AFG2A: variants seen among roughly 807,000 people sequenced by gnomAD.
AFG2A encodes ATPase family gene 2 protein homolog A.
At chr4:123,105,088 G>A in the AFG2A span, among the ~76,000 whole-genome samples, 4 of 152,128 alleles carry the variant, frequency 2.6e-5, no homozygotes, top group South Asian at 2.1e-4. Flanking sequence ...CTGGCTTCAC[G>A]CTTCAAAGGA....
the AFG2A span, among the ~76,000 whole-genome samples, chr4:122,981,270 A>G: frequency 1.3e-5 from 2 of 152,116 alleles, no homozygotes; most frequent in African/African-American, 4.8e-5. Context: ...ACCATTTTTT[A>G]AAGAGATTGT....
chr4:122,954,775 G>T, the AFG2A span, among the ~76,000 whole-genome samples: 1 of 152,204 alleles, frequency 6.6e-6, no homozygotes, highest in South Asian at 2.1e-4. Context: ...GTCAAGAATG[G>T]CCAGCCATTG....
chr4:123,137,121 G>C, the AFG2A span, among the ~76,000 whole-genome samples: 1 of 152,134 alleles, frequency 6.6e-6, no homozygotes, highest in South Asian at 2.1e-4. Context: ...CTAACGGTGC[G>C]GCTGATCAGG....
the AFG2A span, among the ~76,000 whole-genome samples, chr4:123,013,421 A>G: frequency 6.6e-6 from 1 of 152,132 alleles, no homozygotes; most frequent in Non-Finnish European, 1.5e-5. Flanking sequence ...TTTTTTCTTT[A>G]TTTTTATTTT....
chr4:123,268,065 C>T, the AFG2A span, among the ~76,000 whole-genome samples: 2 of 151,978 alleles, frequency 1.3e-5, no homozygotes, highest in Non-Finnish European at 2.9e-5. Context: ...TATTAATAGA[C>T]ACACACAGTT....
chr4:123,141,011 C>T, the AFG2A span, among the ~76,000 whole-genome samples: 5 of 152,034 alleles, frequency 3.3e-5, no homozygotes, highest in Admixed American at 6.6e-5. Context: ...ATATAACACA[C>T]AATTTTGAGA....
At chr4:122,974,449 AG>A in the AFG2A span, among the ~76,000 whole-genome samples, 5 of 152,304 alleles carry the variant, frequency 3.3e-5, no homozygotes, top group South Asian at 1.0e-3. Flanking sequence ...AAATTTTCCC[AG>A]GCCACAAGGT....
the AFG2A span, among the ~76,000 whole-genome samples, chr4:123,100,917 A>G: frequency 6.6e-6 from 1 of 151,954 alleles, no homozygotes; most frequent in Non-Finnish European, 1.5e-5. Flanking sequence ...TTTAAGTCCA[A>G]GTGATTTCCC....
At chr4:123,257,932 CCAG>C in the AFG2A span, among the ~76,000 whole-genome samples, 460 of 152,272 alleles carry the variant, frequency 3.0e-3, 3 homozygotes, top group Middle Eastern at 0.02. Flanking sequence ...TCATTTGGTG[CCAG>C]CAATTATTGT....
the AFG2A span, among the ~76,000 whole-genome samples, chr4:123,277,066 T>C: frequency 6.6e-6 from 1 of 152,212 alleles, no homozygotes; most frequent in Non-Finnish European, 1.5e-5. Flanking sequence ...GTAAATTACT[T>C]TGGGCAGTAT....
chr4:122,991,625 AGTT>A, the AFG2A span, among the ~76,000 whole-genome samples: 1 of 152,218 alleles, frequency 6.6e-6, no homozygotes, highest in Non-Finnish European at 1.5e-5. Context: ...TATATAATGC[AGTT>A]GTTTTGTAAA....
the AFG2A span, among the ~76,000 whole-genome samples, chr4:123,133,410 T>C: frequency 6.6e-6 from 1 of 152,104 alleles, no homozygotes; most frequent in Non-Finnish European, 1.5e-5. Flanking sequence ...ATCTGCAGTT[T>C]AGAACGTTGT....
At chr4:123,184,830 C>G in the AFG2A span, among the ~76,000 whole-genome samples, 1 of 152,092 alleles carries the variant, frequency 6.6e-6, no homozygotes, top group East Asian at 1.9e-4. Context: ...GCCACCGCGC[C>G]CGGCCCCAGC....
chr4:122,993,256 G>A, the AFG2A span, among the ~76,000 whole-genome samples: 3 of 152,024 alleles, frequency 2.0e-5, no homozygotes, highest in Non-Finnish European at 4.4e-5. Flanking sequence ...GTCTCCTGGA[G>A]TACTGGGATT....
chr4:123,052,997 C>A, the AFG2A span, among the ~76,000 whole-genome samples: 1 of 152,126 alleles, frequency 6.6e-6, no homozygotes, highest in Admixed American at 6.5e-5. Flanking sequence ...AGATGAAAGC[C>A]AGAAGACTCA....
the AFG2A span, among the ~76,000 whole-genome samples, chr4:123,216,341 C>T: frequency 6.6e-6 from 1 of 152,074 alleles, no homozygotes; most frequent in Non-Finnish European, 1.5e-5. Flanking sequence ...TTCAAGTACT[C>T]ACCTTTTGTC....
chr4:123,087,704 C>T, the AFG2A span, among the ~76,000 whole-genome samples: 2 of 152,284 alleles, frequency 1.3e-5, no homozygotes, highest in East Asian at 3.9e-4. Context: ...CCTACCCTGG[C>T]ACTGGCTCTC....
At chr4:122,947,798 GA>G in the AFG2A span, among the ~76,000 whole-genome samples, 98 of 151,576 alleles carry the variant, frequency 6.5e-4, 1 homozygote, top group African/African-American at 2.3e-3. Flanking sequence ...AAATATTCAG[GA>G]AAAAAAAGTT....
chr4:123,243,397 C>A, the AFG2A span, among the ~76,000 whole-genome samples: 1 of 152,160 alleles, frequency 6.6e-6, no homozygotes, highest in Non-Finnish European at 1.5e-5. Flanking sequence ...CACAGATACA[C>A]CATGGAATAC....
Sources: gnomAD v4.1 joint callset for allele counts (sites outside exome capture counted in the v4.1 genomes callset) on GRCh38, gnomAD v4.1.1 for gene constraint, MANE v1.5 for transcripts, NCBI Gene and HGNC (gene_info 2026-07-23, HGNC 2026-07-21) for gene names.